Variants in FHIP2A observed in about 807,000 individuals in gnomAD.
FHIP2A encodes family with sequence similarity 160 member B1.
A neutral mutation model predicts 93.5 loss-of-function variants in FHIP2A; 46 were observed. The ratio of observed to expected loss-of-function variants is 0.49; its 90% confidence interval spans 0.39 to 0.63. The LOEUF (loss-of-function observed/expected upper bound fraction) is 0.63, where lower values mean the gene tolerates loss of function less well. Among genes scored for constraint, FHIP2A ranks in the 20% least tolerant of loss-of-function variants. FHIP2A has a pLI of 0.00. For missense variants in FHIP2A, 769 were observed against 909.7 expected (o/e 0.85, Z 1.99); for synonymous variants, 332 against 326.5 (o/e 1.02, Z -0.18).
chr10:114,896,706 T>G (rs373039568), intron 16 of FHIP2A, among the ~76,000 whole-genome samples: 15 of 152,224 alleles, frequency 9.9e-5, no homozygotes, highest in East Asian at 9.6e-4. Flanking sequence ...CTTACACATA[T>G]TGATTGATGT....
At chr10:114,831,511 C>T (rs1356772160) in intron 2 of FHIP2A, among the ~76,000 whole-genome samples, 2 of 152,094 alleles carry the variant, frequency 1.3e-5, no homozygotes, top group Non-Finnish European at 1.5e-5. Context: ...GTGGATAGAG[C>T]TTGAACATTC....
At chr10:114,895,863 G>T (rs549793956) in intron 16 of FHIP2A, among the ~76,000 whole-genome samples, 4 of 152,276 alleles carry the variant, frequency 2.6e-5, no homozygotes, top group African/African-American at 9.6e-5. Flanking sequence ...ATGATGTAAG[G>T]CATATCAGTT....
At chr10:114,831,545 A>G (rs755326218) in intron 2 of FHIP2A, among the ~76,000 whole-genome samples, 1 of 152,222 alleles carries the variant, frequency 6.6e-6, no homozygotes, top group African/African-American at 2.4e-5. Flanking sequence ...GCGTTTGTGT[A>G]TATAAAGGCT....
intron 1 of FHIP2A, among the ~76,000 whole-genome samples, chr10:114,827,938 A>G (rs1427658644): frequency 1.3e-5 from 2 of 152,138 alleles, no homozygotes; most frequent in Non-Finnish European, 2.9e-5. Flanking sequence ...TCATTGCATG[A>G]ATTTTTTAAA....
chr10:114,851,774 AGATT>A (rs1397247019), intron 13 of FHIP2A, among the ~76,000 whole-genome samples: 3 of 147,404 alleles, frequency 2.0e-5, no homozygotes, highest in Non-Finnish European at 4.5e-5. Context: ...TTGAATTTGT[AGATT>A]GATTGGAGAA....
intron 16 of FHIP2A, among the ~76,000 whole-genome samples, chr10:114,894,677 A>G (rs147810958): frequency 4.9e-4 from 75 of 152,308 alleles, no homozygotes; most frequent in Non-Finnish European, 9.8e-4. Flanking sequence ...GTGTTTTCCT[A>G]TCAAGTATGT....
intron 13 of FHIP2A, among the ~76,000 whole-genome samples, chr10:114,850,960 C>T (rs1012193374): frequency 3.3e-5 from 5 of 152,162 alleles, no homozygotes; most frequent in African/African-American, 7.2e-5. Context: ...GTCATCCAGG[C>T]GGGAATGCAG....
chr10:114,835,528 T>G lies in FHIP2A; in HGVS notation c.295-9T>G, dbSNP rs546993016. The G allele has an allele frequency of 2.8e-5, 44 of 1,573,656 alleles. No individual in the cohort carries two copies. The South Asian group carries it at 3.9e-4, about 14-fold the overall frequency. ...TTTTCCTGTTGGCTTCCTTTTTTCC[T>G]ATACCCAGTGTCCTCCGGGAATGAA... On this transcript the variant is annotated splice_polypyrimidine_tract_variant and intron_variant, in intron 3 of 16. Coordinates refer to ENST00000369248, the MANE Select transcript of FHIP2A (RefSeq NM_020940.4).
chr10:114,884,893 G>A (rs1237861220), intron 16 of FHIP2A, among the ~76,000 whole-genome samples: 4 of 137,240 alleles, frequency 2.9e-5, no homozygotes, highest in Admixed American at 7.7e-5. Context: ...CAGCCTGGGC[G>A]ACAGAGTGAG....
chr10:114,864,270 G>A lies in FHIP2A; in HGVS notation c.*2730G>A, dbSNP rs2083817297. 2.0e-6 allele frequency: 2 copies of A among 982,658 alleles called. No homozygotes were observed. The highest frequency in any genetic ancestry group is 1.1e-4 in the East Asian group (1 of 8,804). 60.9% of individuals were successfully genotyped at this position (982,658 alleles called of 1,614,324 possible). A position where few individuals can be genotyped will look rare whatever the true frequency, so the allele number is the denominator to read the frequency against. ...TAAATTATTGCATTAACATACAATT[G>A]CCATTTAATTATGAAGTCCATCAGT... is the stretch of plus-strand genomic sequence containing the variant. On this transcript the variant is annotated 3_prime_UTR_variant, in exon 17 of 17. Coordinates refer to ENST00000369248, the MANE Select transcript of FHIP2A (RefSeq NM_020940.4).
At chr10:114,867,151 G>C (rs2083833352), downstream of FHIP2A, among the ~76,000 whole-genome samples, 1 of 151,252 alleles carries the variant, frequency 6.6e-6, no homozygotes, top group Admixed American at 6.6e-5. Context: ...GGAGGTTTCA[G>C]TGAGCAGAGA....
At chr10:114,842,188 A>G (rs568475637) in intron 5 of FHIP2A, among the ~76,000 whole-genome samples, 9 of 152,108 alleles carry the variant, frequency 5.9e-5, no homozygotes, top group African/African-American at 2.2e-4. Flanking sequence ...CAGCCTCCCA[A>G]GGCCTAGGAC....
intron 1 of FHIP2A, among the ~76,000 whole-genome samples, chr10:114,826,672 G>A (rs957072172): frequency 2.6e-4 from 40 of 152,248 alleles, no homozygotes; most frequent in African/African-American, 9.4e-4. Flanking sequence ...CACTAGGAAA[G>A]CCAGGGGCAG....
At chr10:114,859,273 C>T (rs1447057469) in intron 14 of FHIP2A, among the ~76,000 whole-genome samples, 1 of 151,070 alleles carries the variant, frequency 6.6e-6, no homozygotes, top group African/African-American at 2.4e-5. Flanking sequence ...ACATGTTCAT[C>T]GTAGCGTCTG....
At position 114,822,064 on chromosome 10, in the gene FHIP2A, C is replaced by A; in HGVS notation, c.-15C>A. On this transcript the variant is annotated 5_prime_UTR_variant, in exon 1 of 17. Transcript: ENST00000369248. ...CAGGTCGTCCCGGGAGAGGCTGCTG[C>A]AGTCCCGGGACAGGATGTTCTCCAA... The A allele has an allele frequency of 7.7e-7, 1 of 1,304,754 alleles. No individual in the cohort carries two copies. The allele number at this position is 1,304,754 out of a possible 1,614,324, so 80.8% of individuals were successfully genotyped here.
At position 114,843,127 on chromosome 10, in the gene FHIP2A, G is replaced by C. The variant is rs1159342618; in HGVS notation, c.717G>C (p.Leu239Phe). The C allele has an allele frequency of 6.2e-7, 1 of 1,613,868 alleles. No homozygotes were observed. The highest frequency in any genetic ancestry group is 1.3e-5 in the African/African-American group (1 of 74,900). Residue 239 changes from leucine (L) to phenylalanine (F), a missense_variant, in exon 6 of 17, where the codon TTG becomes TTC. By Grantham distance (22) the Leu-to-Phe change is conservative. Transcript: ENST00000369248. ...AGATGGATCACCTGTCCACAAGCTT[G>C]GATAACCTCAGTGTCACCTCACTGC... Reference protein sequence around the residue: ...PHQMDHLSTSLDNLSVTSLPE... With the variant: ...PHQMDHLSTSFDNLSVTSLPE...
At chr10:114,879,771 C>A (rs1222999043) in intron 16 of FHIP2A, among the ~76,000 whole-genome samples, 1 of 152,124 alleles carries the variant, frequency 6.6e-6, no homozygotes, top group Non-Finnish European at 1.5e-5. Flanking sequence ...GATTGCCTGG[C>A]GTAATACAAG....
intron 14 of FHIP2A, 124 bp downstream of exon 14, chr10:114,855,464 C>A: frequency 1.2e-6 from 1 of 818,406 alleles, no homozygotes; most frequent in Non-Finnish European, 1.8e-6. Context: ...CACTGGATGA[C>A]TTTTTCATGA....
intron 16 of FHIP2A, among the ~76,000 whole-genome samples, chr10:114,890,308 A>G (rs2083964175): frequency 6.6e-6 from 1 of 151,982 alleles, no homozygotes; most frequent in Non-Finnish European, 1.5e-5. Context: ...GACTACAGGC[A>G]TGAGGCACCA....
Sources: allele counts gnomAD v4.1 joint callset (sites outside exome capture counted in the v4.1 genomes callset), GRCh38; gene constraint gnomAD v4.1.1; transcripts MANE v1.5; gene names NCBI Gene and HGNC (gene_info 2026-07-23, HGNC 2026-07-21).